TRPM1: variants seen among roughly 807,000 people sequenced by gnomAD.
TRPM1 encodes the protein TRPM1-203 APA Isoform, Intron 10.
A neutral mutation model predicts 149.4 loss-of-function variants in TRPM1; 113 were observed. The observed-to-expected ratio is 0.76, with a 90% confidence interval of 0.65 to 0.88. The LOEUF is 0.88. TRPM1 is among the 40% of genes least tolerant of loss of function. The probability of loss-of-function intolerance (pLI) is 0.00; values close to 1 mark genes in which losing one functional copy is unlikely to be tolerated. For synonymous variants in TRPM1, 741 were observed against 759.5 expected (o/e 0.98, Z 0.40); for missense variants, 1,976 against 2,038.7 (o/e 0.97, Z 0.59).
chr15:31,078,893 G>A (rs1217346584), intron 2 of TRPM1, among the ~76,000 whole-genome samples: 3 of 152,242 alleles, frequency 2.0e-5, no homozygotes, highest in Non-Finnish European at 1.5e-5. Flanking sequence ...ACTCCCATGA[G>A]TAGGTTACTT....
chr15:31,012,180 T>G (rs2032209393), intron 27 of TRPM1, among the ~76,000 whole-genome samples: 2 of 152,236 alleles, frequency 1.3e-5, no homozygotes, highest in African/African-American at 4.8e-5. Context: ...GCCTTTTATA[T>G]TTACCTATGT....
chr15:31,054,579 G>A (rs1294389465), intron 11 of TRPM1, among the ~76,000 whole-genome samples: 1 of 152,166 alleles, frequency 6.6e-6, no homozygotes, highest in Non-Finnish European at 1.5e-5. Flanking sequence ...ACAGGAGTGA[G>A]CCACTGTGCC....
intron 20 of TRPM1, 54 bp downstream of exon 20, chr15:31,037,657 A>C (rs2033453258): frequency 1.2e-6 from 2 of 1,613,296 alleles, no homozygotes; most frequent in South Asian, 2.2e-5. Context: ...TGATTCCAAC[A>C]TATCAAAGCA....
intron 1 of TRPM1, among the ~76,000 whole-genome samples, chr15:31,149,524 C>CTTTT (rs34420721): frequency 7.0e-5 from 9 of 128,836 alleles, no homozygotes; most frequent in African/African-American, 2.2e-4. Context: ...ATCTCTCTCT[C>CTTTT]TCTTTTTTTT....
At chr15:31,120,893 G>T (rs886517963) in intron 1 of TRPM1, among the ~76,000 whole-genome samples, 4 of 152,154 alleles carry the variant, frequency 2.6e-5, no homozygotes, top group Non-Finnish European at 5.9e-5. Flanking sequence ...TGAAAGCAGT[G>T]CTTAGAGAGA....
At position 31,109,206 on chromosome 15, in the gene TRPM1, C is replaced by T. The variant is rs137938418; in HGVS notation, c.55-32222G>A. ...GTAATGGGCCACGTGAGGTGGCTCA[C>T]GCCTGTAATCCCAGCTATTATGGAG... On this transcript the variant is annotated intron_variant, in intron 1 of 26. Coordinates refer to the TRPM1 transcript ENST00000542188. 7.2e-5 allele frequency among the ~76,000 whole-genome samples: 11 copies of T among 151,840 alleles called. 1 individual carries two copies. The highest frequency in any genetic ancestry group is 4.2e-4 in the South Asian group (2 of 4,796).
intron 1 of TRPM1, among the ~76,000 whole-genome samples, chr15:31,132,556 A>G (rs887876947): frequency 3.9e-5 from 6 of 152,230 alleles, no homozygotes; most frequent in Admixed American, 2.0e-4. Context: ...ACGTGAGGGC[A>G]TGTAAGACAC....
In TRPM1 at chr15:31,062,718, G is replaced by A. The variant is rs779122030; in HGVS notation, c.966-16C>T. 1.2e-6 allele frequency: 2 copies of A among 1,613,296 alleles called. No individual in the cohort carries two copies. The highest frequency in any genetic ancestry group is 1.1e-5 in the South Asian group (1 of 91,070). On this transcript the variant is annotated splice_polypyrimidine_tract_variant and intron_variant, in intron 8 of 27. Transcript: ENST00000256552. ...ATTTATTATTCTGTTCAAAGAAAAT[G>A]CAAGAGAACAAAACAAGGCAAGTTA...
chr15:31,033,656 A>G (rs1162068399), intron 21 of TRPM1, among the ~76,000 whole-genome samples: 1 of 152,118 alleles, frequency 6.6e-6, no homozygotes, highest in Non-Finnish European at 1.5e-5. Flanking sequence ...GGCAGTGGCT[A>G]TCTGTCAGCC....
rs772516212 is a variant in TRPM1 at position 31,035,619 on chromosome 15, TC to T, written c.2626del (p.Asp876MetfsTer16). 2.5e-6 allele frequency: 4 copies of T among 1,614,180 alleles called. No individual in the cohort carries two copies. The highest frequency in any genetic ancestry group is 3.4e-6 in the Non-Finnish European group (4 of 1,180,042). ...LFNYVILVRM[D>X]GWPSLQEWIV... The stretch of plus-strand genomic sequence containing the variant: ...CCACTCCTGGAGGGACGGCCAGCCA[TC>T]CATCCGCACCAGGATGACGTAGTTA... On this transcript the variant is annotated frameshift_variant, in exon 21 of 28. Transcript: ENST00000256552. LOFTEE classifies it high-confidence loss of function.
chr15:31,106,424 C>T (rs1047757420), upstream of TRPM1, among the ~76,000 whole-genome samples: 1 of 152,160 alleles, frequency 6.6e-6, no homozygotes, highest in African/African-American at 2.4e-5. Context: ...GTGTGAGCCA[C>T]CACGCCTGGC....
chr15:31,072,778 G>A (rs1465191054), intron 3 of TRPM1, among the ~76,000 whole-genome samples: 2 of 152,114 alleles, frequency 1.3e-5, no homozygotes, highest in Admixed American at 6.5e-5. Flanking sequence ...TAAGGACATT[G>A]AGCATTTTTC....
chr15:31,134,342 C>G (rs1310005656), intron 1 of TRPM1, among the ~76,000 whole-genome samples: 1 of 152,180 alleles, frequency 6.6e-6, no homozygotes, highest in Non-Finnish European at 1.5e-5. Flanking sequence ...CCACATATGC[C>G]TCTTTGGCAT....
intron 27 of TRPM1, among the ~76,000 whole-genome samples, chr15:31,011,843 C>T (rs4559875): frequency 0.17 from 25,216 of 151,744 alleles, 2,627 homozygotes; most frequent in Non-Finnish European, 0.23. Flanking sequence ...TTTGTATTTT[C>T]AATAGAGATG....
intron 2 of TRPM1, among the ~76,000 whole-genome samples, chr15:31,078,328 G>A (rs905531546): frequency 1.3e-5 from 2 of 152,114 alleles, no homozygotes; most frequent in African/African-American, 4.8e-5. Context: ...AGGTCATGCC[G>A]ATGCCCCATT....
At chr15:31,128,143 T>A (rs933514645) in intron 1 of TRPM1, among the ~76,000 whole-genome samples, 1 of 152,082 alleles carries the variant, frequency 6.6e-6, no homozygotes, top group Non-Finnish European at 1.5e-5. Flanking sequence ...GGGTAAGGGC[T>A]CCCCTATTCC....
chr15:31,127,278 G>T (rs2035963217), intron 1 of TRPM1, among the ~76,000 whole-genome samples: 1 of 152,102 alleles, frequency 6.6e-6, no homozygotes, highest in Non-Finnish European at 1.5e-5. Context: ...TGCTACTTGG[G>T]GCCTCTTGTG....
chr15:31,065,993 T>A, intron 7 of TRPM1, 83 bp downstream of exon 7: 1 of 1,516,046 alleles, frequency 6.6e-7, no homozygotes. Context: ...CTAATCCCCT[T>A]GGGCAATCAA....
intron 1 of TRPM1, among the ~76,000 whole-genome samples, chr15:31,142,088 A>G (rs1345823234): frequency 6.6e-6 from 1 of 152,210 alleles, no homozygotes; most frequent in East Asian, 1.9e-4. Flanking sequence ...GAAAATTTTT[A>G]AAAAGTAGAA....
Sources: gnomAD v4.1 joint callset for allele counts (sites outside exome capture counted in the v4.1 genomes callset) on GRCh38, gnomAD v4.1.1 for gene constraint, MANE v1.5 for transcripts, NCBI Gene and HGNC (gene_info 2026-07-23, HGNC 2026-07-21) for gene names.